RRM1: variants seen among roughly 807,000 people sequenced by gnomAD.
The protein encoded by RRM1 is ribonucleoside-diphosphate reductase large subunit.
Under a neutral mutation model 101.5 loss-of-function variants are expected in RRM1, and 19 were observed. The observed-to-expected ratio is 0.19, with a 90% CI of 0.13 to 0.27. The LOEUF is 0.27. RRM1 is among the 10% of genes least tolerant of loss of function. RRM1 has a pLI of 1.00. For missense variants in RRM1, 500 were observed against 962.9 expected, an observed-to-expected ratio of 0.52 and a Z score of 6.36; for synonymous variants, 298 against 323.4, an observed-to-expected ratio of 0.92 and a Z score of 0.84.
intron 16 of RRM1, 71 bp from the exon 17 acceptor site, chr11:4,133,492 T>C: frequency 1.1e-6 from 1 of 921,010 alleles, no homozygotes; most frequent in East Asian, 2.5e-5. Flanking sequence ...AGTTTAAGCT[T>C]CAAAGCTGTA....
At chr11:4,112,149 T>C in intron 7 of RRM1, 87 bp downstream of exon 7, 1 of 965,506 alleles carries the variant, frequency 1.0e-6, no homozygotes, top group South Asian at 1.6e-5. Context: ...AATGACCTTT[T>C]AGTAGCTGCC....
intron 18 of RRM1, among the ~76,000 whole-genome samples, chr11:4,137,879 C>T (rs1249866321): frequency 2.8e-5 from 2 of 71,952 alleles, no homozygotes; most frequent in African/African-American, 4.9e-5. Context: ...CCGGACGGGG[C>T]GGCTGGCCGG....
At chr11:4,125,156 G>A (rs1236048738) in intron 12 of RRM1, among the ~76,000 whole-genome samples, 1 of 151,758 alleles carries the variant, frequency 6.6e-6, no homozygotes, top group Non-Finnish European at 1.5e-5. Flanking sequence ...CTCGTGATCC[G>A]CCCACCTCAG....
intron 13 of RRM1, 47 bp downstream of exon 13, chr11:4,126,880 T>C (rs969982763): frequency 1.3e-6 from 2 of 1,522,136 alleles, no homozygotes; most frequent in African/African-American, 2.8e-5. Context: ...AAATCCAAAT[T>C]GAAAGGAATC....
chr11:4,125,328 T>C (rs2094587904), intron 12 of RRM1, among the ~76,000 whole-genome samples: 1 of 152,204 alleles, frequency 6.6e-6, no homozygotes, highest in African/African-American at 2.4e-5. Context: ...GTCTCTAGAT[T>C]TGTGGACATT....
At chr11:4,130,066 T>TATATATATATATATA (rs1554976190) in intron 15 of RRM1, among the ~76,000 whole-genome samples, 9 of 32,978 alleles carry the variant, frequency 2.7e-4, no homozygotes, top group Non-Finnish European at 4.7e-4. Flanking sequence ...TGTACTGTAT[T>TATATATATATATATA]TATATATATA....
intron 12 of RRM1, among the ~76,000 whole-genome samples, chr11:4,124,168 A>ACT (rs2094586066): frequency 6.6e-6 from 1 of 152,206 alleles, no homozygotes; most frequent in Non-Finnish European, 1.5e-5. Context: ...ACGGATAGGT[A>ACT]GCCCTTGTAG....
At chr11:4,120,443 AGCCTT>A (rs1317300038) in intron 9 of RRM1, among the ~76,000 whole-genome samples, 2 of 151,710 alleles carry the variant, frequency 1.3e-5, no homozygotes, top group African/African-American at 2.4e-5. Context: ...GGCTCACCGT[AGCCTT>A]GACCTCCTGG....
intron 1 of RRM1, among the ~76,000 whole-genome samples, chr11:4,098,760 G>C (rs932200761): frequency 6.6e-6 from 1 of 152,148 alleles, no homozygotes; most frequent in African/African-American, 2.4e-5. Context: ...TGACTTCTTG[G>C]TGTGGGTGGG....
At chr11:4,128,475 C>T (rs540769008) in intron 14 of RRM1, among the ~76,000 whole-genome samples, 107 of 152,292 alleles carry the variant, frequency 7.0e-4, no homozygotes, top group African/African-American at 2.5e-3. Flanking sequence ...CTGCAGAAAC[C>T]TTTCACCTTT....
intron 11 of RRM1, among the ~76,000 whole-genome samples, chr11:4,122,872 C>CAAA (rs140332856): frequency 8.3e-6 from 1 of 120,478 alleles, no homozygotes; most frequent in African/African-American, 3.0e-5. Context: ...AACTCCGTCT[C>CAAA]AAAAAAAAAA....
At chr11:4,114,568 G>C (rs1267797693) in intron 7 of RRM1, among the ~76,000 whole-genome samples, 1 of 150,700 alleles carries the variant, frequency 6.6e-6, no homozygotes, top group East Asian at 1.9e-4. Context: ...AAAAAAAAAG[G>C]AATATGAAGG....
intron 14 of RRM1, among the ~76,000 whole-genome samples, chr11:4,128,856 A>G (rs2094594233): frequency 6.6e-6 from 1 of 152,148 alleles, no homozygotes; most frequent in Non-Finnish European, 1.5e-5. Context: ...TAGATATGAC[A>G]TGGGATAATC....
intron 7 of RRM1, 36 bp downstream of exon 7, chr11:4,112,098 G>A: frequency 1.3e-6 from 2 of 1,526,360 alleles, no homozygotes; most frequent in Non-Finnish European, 8.9e-7. Context: ...GCCTTGACCT[G>A]AAGAAACTGG....
chr11:4,108,959 CT>C (rs912630151), intron 4 of RRM1, among the ~76,000 whole-genome samples: 114 of 151,938 alleles, frequency 7.5e-4, no homozygotes, highest in African/African-American at 2.6e-3. Context: ...AACCTGGCTC[CT>C]TTTTTTTCTC....
chr11:4,108,597 C>CAAA lies in RRM1; in HGVS notation c.388-1028_388-1026dup, dbSNP rs754848612. Among the ~76,000 whole-genome samples, 183 of 72,950 alleles carry CAAA rather than the reference C, an allele frequency of 2.5e-3. 10 individuals are homozygous for CAAA. Among genetic ancestry groups the CAAA allele is most frequent in the Middle Eastern group, 0.01 (1 of 96 alleles). The allele number at this position is 72,950 out of a possible 152,430, so 47.9% of individuals were successfully genotyped here. ...TGGGCAACAGAGTGAGACTCAGTCT[C>CAAA]AAAAAAAAAAAAAAAAAAAAAGAAT... On this transcript the variant is annotated intron_variant, in intron 4 of 18. Transcript: ENST00000300738.
intron 2 of RRM1, among the ~76,000 whole-genome samples, 162 bp downstream of exon 2, chr11:4,102,243 A>G (rs1174159947): frequency 6.6e-6 from 1 of 151,822 alleles, no homozygotes; most frequent in Non-Finnish European, 1.5e-5. Context: ...TTTTTCCTTA[A>G]TTTTGGTTCT....
At chr11:4,102,748 T>C (rs2094553316) in intron 2 of RRM1, among the ~76,000 whole-genome samples, 1 of 152,242 alleles carries the variant, frequency 6.6e-6, no homozygotes, top group African/African-American at 2.4e-5. Flanking sequence ...TTGTTATTTA[T>C]GTAAAAAGAT....
Position 4,122,228 on chromosome 11 carries a change from A to G in RRM1, c.1118+8A>G. 1.3e-6 allele frequency: 2 copies of G among 1,562,368 alleles called. No homozygotes were observed. The highest frequency in any genetic ancestry group is 1.8e-6 in the Non-Finnish European group (2 of 1,135,166). ...TGAGAAACTATATGCAAGGTATGGG[A>G]AAAATATGAAAGAAAACAATAATGT... is the stretch of plus-strand genomic sequence containing the variant. On this transcript the variant is annotated splice_region_variant and intron_variant, in intron 11 of 18. Transcript: ENST00000300738.
Sources: gnomAD v4.1 joint callset for allele counts (sites outside exome capture counted in the v4.1 genomes callset) on GRCh38, gnomAD v4.1.1 for gene constraint, MANE v1.5 for transcripts, NCBI Gene and HGNC (gene_info 2026-07-23, HGNC 2026-07-21) for gene names.